SCAF8: variants seen among roughly 807,000 people sequenced by gnomAD.
SCAF8 encodes the protein SR-related and CTD-associated factor 8.
Under a neutral mutation model 140.5 loss-of-function variants are expected in SCAF8, and 23 were observed. That is an observed-to-expected ratio of 0.16 (90% CI 0.12 to 0.23). The LOEUF (loss-of-function observed/expected upper bound fraction) is 0.23. Among genes scored for constraint, SCAF8 ranks in the 10% least tolerant of loss-of-function variants. The pLI is 1.00. For synonymous variants in SCAF8, 575 were observed against 528.9 expected, an observed-to-expected ratio of 1.09 and a Z score of -1.20; for missense variants, 1,397 against 1,555.7, an observed-to-expected ratio of 0.90 and a Z score of 1.72.
At chr6:154,821,298 A>T (rs968476246) in intron 15 of SCAF8, among the ~76,000 whole-genome samples, 11 of 150,322 alleles carry the variant, frequency 7.3e-5, no homozygotes, top group Non-Finnish European at 1.5e-4. Context: ...CTGTAAATAA[A>T]GTTTTATTGA....
intron 1 of SCAF8, among the ~76,000 whole-genome samples, chr6:154,735,744 C>A (rs1193855932): frequency 6.6e-6 from 1 of 151,962 alleles, no homozygotes; most frequent in Non-Finnish European, 1.5e-5. Flanking sequence ...AAACTCCTGA[C>A]CTCAAGTGAT....
At chr6:154,801,905 T>A in intron 6 of SCAF8, 66 bp from the exon 7 acceptor site, 2 of 1,105,184 alleles carry the variant, frequency 1.8e-6, no homozygotes, top group South Asian at 3.4e-5. Flanking sequence ...ACTAAAAGTT[T>A]TAGGTGGCCA....
At chr6:154,824,451 G>A (rs1256042917) in intron 17 of SCAF8, 73 bp downstream of exon 17, 2 of 1,376,436 alleles carry the variant, frequency 1.5e-6, no homozygotes, top group African/African-American at 2.9e-5. Flanking sequence ...CCAGATTTAA[G>A]TACCATAGAG....
At chr6:154,770,214 G>A (rs1776695126) in intron 1 of SCAF8, among the ~76,000 whole-genome samples, 1 of 152,038 alleles carries the variant, frequency 6.6e-6, no homozygotes, top group African/African-American at 2.4e-5. Flanking sequence ...GGAGATGTGG[G>A]AGGCCGAGGC....
chr6:154,749,524 A>T (rs952728939), intron 1 of SCAF8, among the ~76,000 whole-genome samples: 1 of 152,162 alleles, frequency 6.6e-6, no homozygotes, highest in Admixed American at 6.5e-5. Context: ...AATATGATGA[A>T]AAGTAATATG....
At chr6:154,792,768 T>A (rs1777461202) in intron 4 of SCAF8, 55 bp from the exon 5 acceptor site, 10 of 1,249,654 alleles carry the variant, frequency 8.0e-6, no homozygotes, top group Non-Finnish European at 9.9e-6. Flanking sequence ...ATGAAATGAC[T>A]GTACTAAGGT....
At chr6:154,824,101 A>G (rs1210678778) in intron 16 of SCAF8, 133 bp from the exon 17 acceptor site, 2 of 827,864 alleles carry the variant, frequency 2.4e-6, no homozygotes, top group Non-Finnish European at 3.8e-6. Flanking sequence ...CAAGTATACA[A>G]AAAGGGGGCA....
chr6:154,763,831 A>AAC (rs901336648), intron 1 of SCAF8, among the ~76,000 whole-genome samples: 1 of 152,084 alleles, frequency 6.6e-6, no homozygotes, highest in African/African-American at 2.4e-5. Context: ...GTTCTGTTGG[A>AAC]ACACACTGTG....
chr6:154,828,993 C>CT (rs370014881), intron 18 of SCAF8, among the ~76,000 whole-genome samples: 7,681 of 151,210 alleles, frequency 0.051, 547 homozygotes, highest in African/African-American at 0.16. Context: ...TTTTCTGCCA[C>CT]TTTTTTTTTA....
At chr6:154,768,193 A>G (rs1356789903) in intron 1 of SCAF8, among the ~76,000 whole-genome samples, 1 of 152,200 alleles carries the variant, frequency 6.6e-6, no homozygotes, top group African/African-American at 2.4e-5. Context: ...AAGGTGGGCA[A>G]CTGCGGCTGA....
chr6:154,818,718 GTATTA>G, intron 14 of SCAF8, 126 bp downstream of exon 14: 2 of 449,446 alleles, frequency 4.4e-6, no homozygotes, highest in South Asian at 4.4e-5. Context: ...GAATGTCTCT[GTATTA>G]TATTCTTTTT....
intron 6 of SCAF8, among the ~76,000 whole-genome samples, chr6:154,798,529 T>G (rs535890211): frequency 6.6e-6 from 1 of 151,500 alleles, no homozygotes; most frequent in African/African-American, 2.4e-5. Flanking sequence ...GTTCTTCATA[T>G]CCAATCTGTT....
chr6:154,829,610 A>G (rs12194994), intron 18 of SCAF8, among the ~76,000 whole-genome samples: 62,650 of 152,020 alleles, frequency 0.41, 15,074 homozygotes, highest in Non-Finnish European at 0.54. Context: ...CAGTGTTTAC[A>G]TAGCTTTAAA....
chr6:154,803,340 G>C lies in SCAF8; in HGVS notation c.784-204G>C, dbSNP rs566868928. On this transcript the variant is annotated intron_variant, in intron 7 of 19. Coordinates refer to ENST00000367178, the MANE Select transcript of SCAF8 (RefSeq NM_014892.5). ...TCCTGCCTCTATCATAATTTGTTTT[G>C]TTATGTAAGATAATACATATCAAAA... Among the ~76,000 whole-genome samples the C allele has an allele frequency of 7.2e-5, 11 of 152,032 alleles. No homozygotes were observed. The East Asian group carries it at 1.9e-3, about 27-fold the overall frequency.
rs1364702933 is a variant in SCAF8, at chr6:154,733,433, C to G, written c.-468C>G. The G allele has an allele frequency of 3.6e-6, 5 of 1,400,420 alleles. No individual in the cohort carries two copies. The South Asian group carries it at 6.0e-5, about 17-fold the overall frequency. 86.7% of individuals were successfully genotyped at this position (1,400,420 alleles called of 1,614,324 possible). ...AGTCCGCCATATTGGATGCCGCAGC[C>G]GCTGCTGCCAGCGCTTCCTCCTCTG... On this transcript the variant is annotated 5_prime_UTR_variant, in exon 1 of 20. Coordinates refer to ENST00000367178, the MANE Select transcript of SCAF8 (RefSeq NM_014892.5).
chr6:154,796,124 T>G (rs941708644), intron 6 of SCAF8, among the ~76,000 whole-genome samples: 1 of 152,172 alleles, frequency 6.6e-6, no homozygotes, highest in African/African-American at 2.4e-5. Flanking sequence ...ATAGAAATAA[T>G]GATAGTGTAC....
intron 6 of SCAF8, among the ~76,000 whole-genome samples, chr6:154,800,290 T>C (rs1777735934): frequency 6.6e-6 from 1 of 151,570 alleles, no homozygotes; most frequent in South Asian, 2.1e-4. Flanking sequence ...GCCTGTCCAA[T>C]GTCTAGGTTG....
At chr6:154,826,864 A>T (rs541897240) in intron 17 of SCAF8, among the ~76,000 whole-genome samples, 2 of 152,340 alleles carry the variant, frequency 1.3e-5, no homozygotes, top group African/African-American at 4.8e-5. Context: ...AAAATGGCAT[A>T]TATAAACAGT....
chr6:154,783,593 G>C (rs374654847), intron 3 of SCAF8, among the ~76,000 whole-genome samples: 3 of 152,178 alleles, frequency 2.0e-5, no homozygotes, highest in South Asian at 2.1e-4. Context: ...GTGCTAAACT[G>C]TCTAGAGATT....
Sources: allele counts gnomAD v4.1 joint callset (sites outside exome capture counted in the v4.1 genomes callset), GRCh38; gene constraint gnomAD v4.1.1; transcripts MANE v1.5; gene names NCBI Gene and HGNC (gene_info 2026-07-23, HGNC 2026-07-21).